The following POU5F2 variants were observed in gnomAD, a reference collection of about 807,000 sequenced individuals.
POU5F2 encodes POU domain class 5, transcription factor 2.
For missense variants in POU5F2, 401 were observed against 426.6 expected (o/e 0.94, Z 0.53); for synonymous variants, 191 against 178.7 (o/e 1.07, Z -0.55).
rs1561421064 is a variant in POU5F2 at position 93,734,465 on chromosome 5, C to CACA, written c.*6111_*6112insTGT. ...GTCCTCTTTGAATATGTGATGAAGG[C>CACA]TATGAACCATCTTTAAAGAAAATGC... On this transcript the variant is annotated 3_prime_UTR_variant, in exon 1 of 1. Coordinates refer to ENST00000606183, the MANE Select transcript of POU5F2 (RefSeq NM_153216.2). 6.6e-6 allele frequency: 1 copy of CACA among 152,122 alleles called. No homozygotes were observed. The highest frequency in any genetic ancestry group is 2.4e-5 in the African/African-American group (1 of 41,420). The allele number at this position is 152,122 out of a possible 1,614,324, so 9.4% of individuals were successfully genotyped here. A position where few individuals can be genotyped will look rare whatever the true frequency, so the allele number is the denominator to read the frequency against.
rs746153932 is a variant in POU5F2, at chr5:93,741,138, G to A, written c.426C>T (p.Tyr142=). 2.5e-6 allele frequency: 4 copies of A among 1,613,834 alleles called. No homozygotes were observed. The South Asian group carries it at 3.3e-5, about 13-fold the overall frequency. ...CAGCGATCCCCACATCGGCCTGCGA[G>A]TACCCTAGGCTCAACCTCTTCTGCC... The part of the protein sequence containing the change: ...ELRQKRLSLG[Y]SQADVGIAVG... Residue 142 remains tyrosine (Y), a synonymous_variant, in exon 1 of 1, where the codon TAC becomes TAT. Coordinates refer to ENST00000606183, the MANE Select transcript of POU5F2 (RefSeq NM_153216.2).
rs559212728 is a variant in POU5F2, at chr5:93,738,384, T to C, written c.*2193A>G. 17 of 152,638 alleles carry C rather than the reference T, an allele frequency of 1.1e-4. No individual in the cohort carries two copies. Among genetic ancestry groups the C allele is most frequent in the Admixed American group, 9.1e-4 (14 of 15,314 alleles). 9.5% of individuals were successfully genotyped at this position (152,638 alleles called of 1,614,324 possible). ...GGTGCCTTCACTATGGAAAACAGTT[T>C]GGTAGTTTCCCAAAAAGTTAAGCAT... On this transcript the variant is annotated 3_prime_UTR_variant, in exon 1 of 1. Coordinates refer to ENST00000606183, the MANE Select transcript of POU5F2 (RefSeq NM_153216.2).
chr5:93,740,833 G>C lies in POU5F2; in HGVS notation c.731C>G (p.Ala244Gly), dbSNP rs1299731774. ...KPTPQQISHI[A>G]GCLQLQKDVV... ...ATCCTTCTGCAGCTGGAGGCACCCA[G>C]CAATGTGGCTGATTTGCTGGGGTGT... The change falls in exon 1 of 1, where the codon GCT becomes GGT. Residue 244 changes from alanine to glycine, a missense_variant. Transcript: ENST00000606183. 1.9e-6 allele frequency: 3 copies of C among 1,613,760 alleles called. No individual in the cohort carries two copies. The highest frequency in any genetic ancestry group is 2.7e-5 in the African/African-American group (2 of 74,920).
At position 93,733,919 on chromosome 5, in the gene POU5F2, C is replaced by T. The variant is rs1190184684; in HGVS notation, c.*6658G>A. The T allele has an allele frequency of 1.3e-5, 2 of 152,084 alleles. No individual in the cohort carries two copies. Among genetic ancestry groups the T allele is most frequent in the East Asian group, 1.9e-4 (1 of 5,198 alleles). The allele number at this position is 152,084 out of a possible 1,614,324, so 9.4% of individuals were successfully genotyped here. On this transcript the variant is annotated 3_prime_UTR_variant, in exon 1 of 1. Coordinates refer to ENST00000606183, the MANE Select transcript of POU5F2 (RefSeq NM_153216.2). ...AAGAAAACCAATACTGTTTAGTAGG[C>T]AAGACTATTTCTAGAAGAAAGGCAT... is the stretch of plus-strand genomic sequence containing the variant.
At position 93,737,041 on chromosome 5, in the gene POU5F2, T is replaced by C. The variant is rs143205176; in HGVS notation, c.*3536A>G. On this transcript the variant is annotated 3_prime_UTR_variant, in exon 1 of 1. Coordinates refer to ENST00000606183, the MANE Select transcript of POU5F2 (RefSeq NM_153216.2). ...ATTCACAGATGATATGATTTATATGTAGAAAACCCTAAAGAATGCACCAAA... is the reference window on the plus strand; with the variant it reads ...ATTCACAGATGATATGATTTATATGCAGAAAACCCTAAAGAATGCACCAAA... The C allele has an allele frequency of 2.6e-5, 4 of 152,284 alleles. No individual in the cohort carries two copies. The highest frequency in any genetic ancestry group is 1.3e-4 in the Admixed American group (2 of 15,300). 9.4% of individuals were successfully genotyped at this position (152,284 alleles called of 1,614,324 possible).
chr5:93,737,748 C>A lies in POU5F2; in HGVS notation c.*2829G>T, dbSNP rs948688306. On this transcript the variant is annotated 3_prime_UTR_variant, in exon 1 of 1. Coordinates refer to ENST00000606183, the MANE Select transcript of POU5F2 (RefSeq NM_153216.2). ...ATCATTCAATGCAGAAAGAACATCT[C>A]CTCAACAAATGGTGCTGGGAAAACT... 5.3e-5 allele frequency: 17 copies of A among 319,764 alleles called. No homozygotes were observed. The highest frequency in any genetic ancestry group is 9.7e-5 in the Non-Finnish European group (16 of 164,856). 19.8% of individuals were successfully genotyped at this position (319,764 alleles called of 1,614,324 possible). A position where few individuals can be genotyped will look rare whatever the true frequency, so the allele number is the denominator to read the frequency against.
rs2149607664 is a variant in POU5F2, at chr5:93,740,538, C to T, written c.*39G>A. On this transcript the variant is annotated 3_prime_UTR_variant, in exon 1 of 1. Transcript: ENST00000606183. ...ATTTCCTGGGTTTTCCCTTCTTCTCCCCTCTCCAACCGTGCCGTGAAGGGC... is the reference window on the plus strand; with the variant it reads ...ATTTCCTGGGTTTTCCCTTCTTCTCTCCTCTCCAACCGTGCCGTGAAGGGC... The T allele has an allele frequency of 6.5e-7, 1 of 1,540,164 alleles. No homozygotes were observed. The highest frequency in any genetic ancestry group is 1.3e-5 in the South Asian group (1 of 79,642).
In POU5F2 at chr5:93,735,741, C is replaced by T. The variant is rs1290624036; in HGVS notation, c.*4836G>A. The stretch of plus-strand genomic sequence containing the variant: ...TAGGATTTGGCTTTATTTTCACTAA[C>T]TTATGTGGATCCTCAGTGCTCTACC... On this transcript the variant is annotated 3_prime_UTR_variant, in exon 1 of 1. Transcript: ENST00000606183. The T allele has an allele frequency of 6.6e-6, 1 of 152,102 alleles. No individual in the cohort carries two copies. The highest frequency in any genetic ancestry group is 1.5e-5 in the Non-Finnish European group (1 of 68,026). 9.4% of individuals were successfully genotyped at this position (152,102 alleles called of 1,614,324 possible).
chr5:93,740,913 T>C lies in POU5F2; in HGVS notation c.651A>G (p.Arg217=). Residue 217 remains arginine, a synonymous_variant, in exon 1 of 1, where the codon AGA becomes AGG. Transcript: ENST00000606183. ...CCAGGCTGTTTCCGATTCGTCGCTC[T>C]CTGCTTGCCCGTCTCCACTTCCCAG... ...QQSGKWRRAS[R]ERRIGNSLEK... is the part of the protein sequence containing the mutation. The C allele has an allele frequency of 6.2e-7, 1 of 1,614,014 alleles. No individual in the cohort carries two copies. Among genetic ancestry groups the C allele is most frequent in the Non-Finnish European group, 8.5e-7 (1 of 1,179,890 alleles).
At position 93,740,541 on chromosome 5, in the gene POU5F2, T is replaced by C. The variant is rs1422806508; in HGVS notation, c.*36A>G. 8.4e-6 allele frequency: 13 copies of C among 1,547,412 alleles called. No individual in the cohort carries two copies. Among genetic ancestry groups the C allele is most frequent in the Non-Finnish European group, 1.1e-5 (13 of 1,144,822 alleles). ...TCCTGGGTTTTCCCTTCTTCTCCCC[T>C]CTCCAACCGTGCCGTGAAGGGCAAG... On this transcript the variant is annotated 3_prime_UTR_variant, in exon 1 of 1. Transcript: ENST00000606183.
At position 93,737,026 on chromosome 5, in the gene POU5F2, G is replaced by C. The variant is rs948750684; in HGVS notation, c.*3551C>G. 4 of 152,160 alleles carry C rather than the reference G, an allele frequency of 2.6e-5. No individual in the cohort carries two copies. Among genetic ancestry groups the C allele is most frequent in the Non-Finnish European group, 1.5e-5 (1 of 68,030 alleles). 9.4% of individuals were successfully genotyped at this position (152,160 alleles called of 1,614,324 possible). On this transcript the variant is annotated 3_prime_UTR_variant, in exon 1 of 1. Coordinates refer to ENST00000606183, the MANE Select transcript of POU5F2 (RefSeq NM_153216.2). ...AGCAAAACTATCTTTATTCACAGAT[G>C]ATATGATTTATATGTAGAAAACCCT...
At position 93,740,053 on chromosome 5, in the gene POU5F2, C is replaced by A. The variant is rs932504114; in HGVS notation, c.*524G>T. On this transcript the variant is annotated 3_prime_UTR_variant, in exon 1 of 1. Transcript: ENST00000606183. ...AAGCTCAGGTGTTTCAGCAAGGGCTCTAGGTGGGCTCTGTGTGTTTCTTCC... is the reference window on the plus strand; with the variant it reads ...AAGCTCAGGTGTTTCAGCAAGGGCTATAGGTGGGCTCTGTGTGTTTCTTCC... 2.0e-5 allele frequency: 3 copies of A among 151,280 alleles called. No homozygotes were observed. Among genetic ancestry groups the A allele is most frequent in the Admixed American group, 2.0e-4 (3 of 15,202 alleles). 9.4% of individuals were successfully genotyped at this position (151,280 alleles called of 1,614,324 possible).
At position 93,738,657 on chromosome 5, in the gene POU5F2, A is replaced by G. The variant is rs1188194289; in HGVS notation, c.*1920T>C. 1.3e-5 allele frequency: 2 copies of G among 152,274 alleles called. No homozygotes were observed. Among genetic ancestry groups the G allele is most frequent in the African/African-American group, 4.8e-5 (2 of 41,482 alleles). 9.4% of individuals were successfully genotyped at this position (152,274 alleles called of 1,614,324 possible). A position where few individuals can be genotyped will look rare whatever the true frequency, so the allele number is the denominator to read the frequency against. On this transcript the variant is annotated 3_prime_UTR_variant, in exon 1 of 1. Coordinates refer to ENST00000606183, the MANE Select transcript of POU5F2 (RefSeq NM_153216.2). ...AAGGAATGAAGTTCTGATACACACT[A>G]CAACACAGATGAACCTTGAAAATGT...
Position 93,741,585 on chromosome 5 carries a change from G to A in POU5F2, c.-22C>T, listed in dbSNP as rs375465714. 2 of 1,494,252 alleles carry A rather than the reference G, an allele frequency of 1.3e-6. No individual in the cohort carries two copies. 92.6% of individuals were successfully genotyped at this position (1,494,252 alleles called of 1,614,324 possible). On this transcript the variant is annotated 5_prime_UTR_variant, in exon 1 of 1. Coordinates refer to ENST00000606183, the MANE Select transcript of POU5F2 (RefSeq NM_153216.2). ...CCATGGGTGGAATGGCACCCGCAGC[G>A]GCTCTGGTAGGAACTGATGGCCCTC...
rs1458798247 is a variant in POU5F2 at position 93,741,328 on chromosome 5, C to A, written c.236G>T (p.Cys79Phe). The A allele has an allele frequency of 1.9e-6, 3 of 1,612,898 alleles. No homozygotes were observed. The highest frequency in any genetic ancestry group is 2.2e-5 in the East Asian group (1 of 44,824). ...CTCACTAGCTCCAAGACGGGGCCTGCAGGGTGCTATCCAGCCCCGGAATTC... is the reference window on the plus strand; with the variant it reads ...CTCACTAGCTCCAAGACGGGGCCTGAAGGGTGCTATCCAGCCCCGGAATTC... The part of the protein sequence containing the change: ...PHEFRGWIAP[C>F]RPRLGASEAG... Residue 79 changes from cysteine to phenylalanine, a missense_variant, in exon 1 of 1, where the codon TGC becomes TTC. Cys to Phe is a radical substitution (Grantham distance 205, BLOSUM62 -2). Coordinates refer to ENST00000606183, the MANE Select transcript of POU5F2 (RefSeq NM_153216.2).
Position 93,740,681 on chromosome 5 carries a change from C to G in POU5F2, c.883G>C (p.Gly295Arg), listed in dbSNP as rs764324047. The G allele has an allele frequency of 1.9e-6, 3 of 1,613,888 alleles. No individual in the cohort carries two copies. The highest frequency in any genetic ancestry group is 2.2e-5 in the South Asian group (2 of 91,066). The change falls in exon 1 of 1, where the codon GGA (glycine) becomes CGA (arginine). Residue 295 changes from glycine to arginine, a missense_variant. Gly to Arg is a moderately radical substitution (Grantham distance 125). Transcript: ENST00000606183. ...GGGATATCCACTGGGAGCCCCAGTC[C>G]CAGGTGAAAGCACACTGGTGCTCCT... ...CPGAPVCFHL[G>R]LGLPVDIPHY...
rs1038419609 is a variant in POU5F2, at chr5:93,737,010, A to G, written c.*3567T>C. ...AAATCGGAAAGGAAGAAGCAAAACT[A>G]TCTTTATTCACAGATGATATGATTT... On this transcript the variant is annotated 3_prime_UTR_variant, in exon 1 of 1. Transcript: ENST00000606183. The G allele has an allele frequency of 6.6e-6, 1 of 152,206 alleles. No individual in the cohort carries two copies. The highest frequency in any genetic ancestry group is 1.5e-5 in the Non-Finnish European group (1 of 68,034). 9.4% of individuals were successfully genotyped at this position (152,206 alleles called of 1,614,324 possible). A position where few individuals can be genotyped will look rare whatever the true frequency, so the allele number is the denominator to read the frequency against.
At position 93,739,200 on chromosome 5, in the gene POU5F2, A is replaced by G. The variant is rs894435949; in HGVS notation, c.*1377T>C. 2.0e-5 allele frequency: 3 copies of G among 151,906 alleles called. No individual in the cohort carries two copies. Among genetic ancestry groups the G allele is most frequent in the African/African-American group, 7.3e-5 (3 of 41,340 alleles). 9.4% of individuals were successfully genotyped at this position (151,906 alleles called of 1,614,324 possible). A position where few individuals can be genotyped will look rare whatever the true frequency, so the allele number is the denominator to read the frequency against. ...GTCTCTTATTGGGCTCCTGGTTTGC[A>G]CTCTTGGGCCCACAAGAGTTATTCT... is the stretch of plus-strand genomic sequence containing the variant. On this transcript the variant is annotated 3_prime_UTR_variant, in exon 1 of 1. Transcript: ENST00000606183.
At position 93,739,987 on chromosome 5, in the gene POU5F2, G is replaced by C. The variant is rs1283283901; in HGVS notation, c.*590C>G. ...GAAGCTGGGGCACCAGAAATGAAAA[G>C]GTAAATCAGAAAAAAAAAAAAAAAA... On this transcript the variant is annotated 3_prime_UTR_variant, in exon 1 of 1. Transcript: ENST00000606183. 1.4e-5 allele frequency: 2 copies of C among 140,548 alleles called. No homozygotes were observed. The highest frequency in any genetic ancestry group is 3.0e-5 in the Non-Finnish European group (2 of 65,766). The allele number at this position is 140,548 out of a possible 1,614,324, so 8.7% of individuals were successfully genotyped here.
Sources: allele counts gnomAD v4.1 joint callset, GRCh38; gene constraint gnomAD v4.1.1; transcripts MANE v1.5; gene names NCBI Gene and HGNC (gene_info 2026-07-23, HGNC 2026-07-21).